DGKB: variants seen among roughly 807,000 people sequenced by gnomAD.
The protein encoded by DGKB is diacylglycerol kinase beta, also known as 90 kDa diacylglycerol kinase.
A neutral mutation model predicts 114.3 loss-of-function variants in DGKB; 67 were observed. That is an observed-to-expected ratio of 0.59 (90% CI 0.48 to 0.72). DGKB has a LOEUF of 0.72. Among genes scored for constraint, DGKB ranks in the 30% least tolerant of loss-of-function variants. The probability of loss-of-function intolerance (pLI) is 0.00; values close to 1 mark genes in which losing one functional copy is unlikely to be tolerated. For missense variants in DGKB, 907 were observed against 975.2 expected, an observed-to-expected ratio of 0.93 and a Z score of 0.93; for synonymous variants, 398 against 323.1, an observed-to-expected ratio of 1.23 and a Z score of -2.49.
rs143468307 is a variant in DGKB at position 14,417,803 on chromosome 7, GAGA to G, written c.1835+60355_1835+60357del. The stretch of plus-strand genomic sequence containing the variant: ...AGCTTTCTGCTGTAATATTTTGGAT[GAGA>G]AGGATAGTTTAAACAGCAAGGTCTT... On this transcript the variant is annotated intron_variant, in intron 21 of 25. Coordinates refer to ENST00000402815, the MANE Select transcript of DGKB (RefSeq NM_001350709.2). Among the ~76,000 whole-genome samples the G allele has an allele frequency of 1.3e-3, 191 of 151,746 alleles. 1 individual carries two copies. Among genetic ancestry groups the G allele is most frequent in the African/African-American group, 4.4e-3 (182 of 41,452 alleles).
At chr7:14,645,674 G>A (rs1227915013) in intron 13 of DGKB, among the ~76,000 whole-genome samples, 2 of 151,528 alleles carry the variant, frequency 1.3e-5, no homozygotes, top group Non-Finnish European at 2.9e-5. Context: ...AGAAGAGCAT[G>A]AGATGATATA....
intron 1 of DGKB, among the ~76,000 whole-genome samples, chr7:14,857,262 G>GTGTGTGTGTGTCTGTGTGTC (rs1850308532): frequency 6.6e-6 from 1 of 150,676 alleles, no homozygotes; most frequent in Non-Finnish European, 1.5e-5. Context: ...GTGTGTTTGT[G>GTGTGTGTGTGTCTGTGTGTC]TGTGTGTGTG....
chr7:14,731,112 G>A (rs1489137182), intron 5 of DGKB, among the ~76,000 whole-genome samples: 2 of 152,284 alleles, frequency 1.3e-5, no homozygotes, highest in African/African-American at 2.4e-5. Context: ...GTGACGCAGC[G>A]GAAGGTGGGA....
chr7:14,367,993 CAT>C lies in DGKB; in HGVS notation c.1836-22604_1836-22603del, dbSNP rs535849494. On this transcript the variant is annotated intron_variant, in intron 21 of 25. Coordinates refer to ENST00000402815, the MANE Select transcript of DGKB (RefSeq NM_001350709.2). ...TTTGGGTGGGGACACAGAGCAAAAC[CAT>C]ATCATATATTAAATGCATTTTTGAC... Among the ~76,000 whole-genome samples the C allele has an allele frequency of 4.9e-4, 75 of 152,096 alleles. 1 individual carries two copies. Among genetic ancestry groups the C allele is most frequent in the African/African-American group, 1.8e-3 (73 of 41,496 alleles).
At chr7:14,896,804 C>A (rs535649881) in intron 1 of DGKB, among the ~76,000 whole-genome samples, 1 of 151,696 alleles carries the variant, frequency 6.6e-6, no homozygotes, top group African/African-American at 2.4e-5. Context: ...AGTTTCAAGT[C>A]CTATATCATC....
chr7:14,849,211 T>C (rs1849027006), intron 1 of DGKB, among the ~76,000 whole-genome samples: 1 of 152,074 alleles, frequency 6.6e-6, no homozygotes, highest in Non-Finnish European at 1.5e-5. Flanking sequence ...GGCAACTTAT[T>C]GAACATCCTG....
At chr7:14,595,195 A>C (rs1481560084) in intron 17 of DGKB, among the ~76,000 whole-genome samples, 1 of 152,052 alleles carries the variant, frequency 6.6e-6, no homozygotes, top group African/African-American at 2.4e-5. Context: ...AAGGGTTGTT[A>C]TGTAAGAAGG....
intron 20 of DGKB, among the ~76,000 whole-genome samples, chr7:14,514,882 C>G (rs1264824649): frequency 6.6e-6 from 1 of 151,820 alleles, no homozygotes; most frequent in African/African-American, 2.4e-5. Flanking sequence ...AGGGAGACCA[C>G]AACTCTAGGG....
intron 17 of DGKB, among the ~76,000 whole-genome samples, chr7:14,602,951 GT>G (rs1803825832): frequency 1.3e-5 from 2 of 152,112 alleles, no homozygotes. Context: ...TTTGGCCTTT[GT>G]TGGTGAGATA....
intron 5 of DGKB, among the ~76,000 whole-genome samples, chr7:14,733,009 T>C (rs1336810694): frequency 6.6e-6 from 1 of 152,198 alleles, no homozygotes; most frequent in East Asian, 1.9e-4. Flanking sequence ...TAGAATTAAA[T>C]ACAGGACAAC....
At chr7:14,847,290 C>CA (rs369385721) in intron 1 of DGKB, among the ~76,000 whole-genome samples, 39,190 of 92,552 alleles carry the variant, frequency 0.42, 7,820 homozygotes, top group Non-Finnish European at 0.52. Context: ...GACTCCGTCT[C>CA]AAAAAAAAAA....
intron 20 of DGKB, among the ~76,000 whole-genome samples, chr7:14,572,289 A>C (rs1052136767): frequency 1.0e-4 from 7 of 68,026 alleles, no homozygotes; most frequent in African/African-American, 2.1e-4. Flanking sequence ...TAAAAATACA[A>C]AAAAAAAAAA....
At chr7:14,532,339 G>T (rs1050810430) in intron 20 of DGKB, among the ~76,000 whole-genome samples, 1 of 150,620 alleles carries the variant, frequency 6.6e-6, no homozygotes, top group African/African-American at 2.4e-5. Flanking sequence ...AAATGTCAGA[G>T]ATTGTCAGCT....
At chr7:14,369,843 G>A (rs1222055577) in intron 21 of DGKB, among the ~76,000 whole-genome samples, 1 of 152,182 alleles carries the variant, frequency 6.6e-6, no homozygotes, top group Admixed American at 6.5e-5. Context: ...TGGATAGACT[G>A]CAGAAATTTT....
chr7:14,568,606 A>G (rs1260187351), intron 20 of DGKB, among the ~76,000 whole-genome samples: 1 of 152,192 alleles, frequency 6.6e-6, no homozygotes, highest in East Asian at 1.9e-4. Context: ...GCCTCTCCCC[A>G]ATTTTTAACC....
rs377270559 is a variant in DGKB, at chr7:14,149,175, A to G, written c.2368T>C (p.Phe790Leu). The stretch of plus-strand genomic sequence containing the variant: ...CTTGTCCTTTTGACGAGGGAGCAGA[A>G]TAAACCGGTTTTTGGAGGCGGGCCC... The part of the protein sequence containing the change: ...LMGPPPKTGL[F>L]CSLVKRTRNR... The change falls in exon 26 of 26, where the codon TTC becomes CTC. Residue 790 changes from phenylalanine to leucine, a missense_variant. Physicochemically the swap from Phe to Leu is conservative, Grantham distance 22. Transcript: ENST00000402815. The G allele has an allele frequency of 6.2e-6, 10 of 1,613,498 alleles. No individual in the cohort carries two copies. The highest frequency in any genetic ancestry group is 7.6e-6 in the Non-Finnish European group (9 of 1,179,604).
intron 1 of DGKB, among the ~76,000 whole-genome samples, chr7:14,849,008 T>C (rs1276232651): frequency 1.3e-5 from 2 of 152,096 alleles, no homozygotes; most frequent in Non-Finnish European, 2.9e-5. Flanking sequence ...TTATCTGATA[T>C]GTGTTTGCAT....
At chr7:14,528,857 T>C (rs1329820401) in intron 20 of DGKB, among the ~76,000 whole-genome samples, 1 of 152,022 alleles carries the variant, frequency 6.6e-6, no homozygotes, top group South Asian at 2.1e-4. Context: ...TCTTATAAAA[T>C]TCCGTTGCAT....
intron 1 of DGKB, among the ~76,000 whole-genome samples, chr7:14,845,911 T>A (rs1292879858): frequency 1.3e-5 from 2 of 152,130 alleles, no homozygotes; most frequent in Non-Finnish European, 2.9e-5. Context: ...ATTTTGTGAA[T>A]TTTTTAAGTA....
Sources: gnomAD v4.1 joint callset for allele counts (sites outside exome capture counted in the v4.1 genomes callset) on GRCh38, gnomAD v4.1.1 for gene constraint, MANE v1.5 for transcripts, NCBI Gene and HGNC (gene_info 2026-07-23, HGNC 2026-07-21) for gene names.